Variants in TTC29 observed in about 807,000 individuals in gnomAD.
TTC29 encodes tetratricopeptide repeat protein 29.
In TTC29, 49 loss-of-function variants were observed where a neutral mutation model predicts 58.1. The observed-to-expected ratio is 0.84, with a 90% CI of 0.67 to 1.07. The LOEUF (loss-of-function observed/expected upper bound fraction) is 1.07, where lower values mean the gene tolerates loss of function less well. TTC29 is among the 50% of genes least tolerant of loss of function. The pLI, the probability that TTC29 is intolerant of heterozygous loss-of-function variation, is 0.00. For missense variants in TTC29, 582 were observed against 555.6 expected (o/e 1.05, Z -0.48); for synonymous variants, 209 against 196.8 (o/e 1.06, Z -0.52).
chr4:146,891,791 G>C (rs1168300526), intron 6 of TTC29, among the ~76,000 whole-genome samples: 1 of 152,178 alleles, frequency 6.6e-6, no homozygotes, highest in Admixed American at 6.6e-5. Context: ...TTCTGAAGCA[G>C]TTCTTCAGCA....
intron 11 of TTC29, among the ~76,000 whole-genome samples, chr4:146,778,889 A>T (rs1378021018): frequency 6.9e-6 from 1 of 144,220 alleles, no homozygotes; most frequent in Non-Finnish European, 1.5e-5. Context: ...CACTATTCAG[A>T]TGATGGGTAC....
chr4:146,860,211 C>T (rs1237863274), intron 8 of TTC29, among the ~76,000 whole-genome samples: 2 of 152,088 alleles, frequency 1.3e-5, no homozygotes, highest in African/African-American at 4.8e-5. Flanking sequence ...ACTGTAAGAA[C>T]TCTCTCCCCC....
At chr4:146,854,896 C>T (rs1729739714) in intron 8 of TTC29, among the ~76,000 whole-genome samples, 1 of 152,182 alleles carries the variant, frequency 6.6e-6, no homozygotes, top group East Asian at 1.9e-4. Context: ...TCTATATAAT[C>T]AACCCTTGAT....
At chr4:146,796,383 G>A (rs980847509) in intron 11 of TTC29, among the ~76,000 whole-genome samples, 3 of 152,122 alleles carry the variant, frequency 2.0e-5, no homozygotes, top group African/African-American at 7.2e-5. Context: ...AGATCATGTA[G>A]TCTAATCACC....
intron 11 of TTC29, among the ~76,000 whole-genome samples, chr4:146,758,685 G>A (rs1746636955): frequency 6.6e-6 from 1 of 152,028 alleles, no homozygotes; most frequent in East Asian, 1.9e-4. Context: ...ACTCCAAAAG[G>A]AGTCTTCAAA....
chr4:146,742,097 A>T (rs1295153917), intron 11 of TTC29, among the ~76,000 whole-genome samples: 1 of 152,206 alleles, frequency 6.6e-6, no homozygotes, highest in African/African-American at 2.4e-5. Flanking sequence ...TTGAACCTAG[A>T]TCATGTGACC....
chr4:146,811,910 A>G (rs1375156155), intron 10 of TTC29, among the ~76,000 whole-genome samples: 5 of 152,230 alleles, frequency 3.3e-5, no homozygotes. Context: ...GATTCATTTC[A>G]ACCAACTTTG....
In TTC29 at chr4:146,730,729, C is replaced by T. The variant is rs565080369; in HGVS notation, c.1331-23178G>A. ...GATGGGTCAAATAAGATGAAGAGGA[C>T]TGAGAAATGACTATTGTGTTTGGCG... On this transcript the variant is annotated intron_variant, in intron 11 of 12. Coordinates refer to ENST00000325106, the MANE Select transcript of TTC29 (RefSeq NM_031956.4). Among the ~76,000 whole-genome samples, 11 of 152,116 alleles carry T rather than the reference C, an allele frequency of 7.2e-5. No homozygotes were observed. In the East Asian group the frequency reaches 1.6e-3, roughly 21 times the overall value.
At chr4:146,921,731 G>A (rs904738419) in intron 4 of TTC29, among the ~76,000 whole-genome samples, 4 of 151,006 alleles carry the variant, frequency 2.6e-5, no homozygotes, top group Non-Finnish European at 5.9e-5. Context: ...TACAGATAAA[G>A]TAGAGGGAGA....
chr4:146,798,162 G>A (rs1749955933), intron 11 of TTC29, among the ~76,000 whole-genome samples: 6 of 151,914 alleles, frequency 3.9e-5, no homozygotes, highest in Admixed American at 3.3e-4. Flanking sequence ...ATATAGGAGT[G>A]GCATCAGATT....
At chr4:146,745,884 G>T (rs1279885099) in intron 11 of TTC29, among the ~76,000 whole-genome samples, 1 of 152,170 alleles carries the variant, frequency 6.6e-6, no homozygotes, top group Admixed American at 6.5e-5. Flanking sequence ...TTTAGTACTG[G>T]CCTCTAGTGC....
intron 10 of TTC29, among the ~76,000 whole-genome samples, chr4:146,804,410 C>T (rs1425535862): frequency 6.6e-6 from 1 of 152,108 alleles, no homozygotes; most frequent in African/African-American, 2.4e-5. Context: ...GGAAAGGAGG[C>T]TGAAGCCAGG....
chr4:146,768,779 A>C (rs1579630250), intron 11 of TTC29, among the ~76,000 whole-genome samples: 1 of 152,146 alleles, frequency 6.6e-6, no homozygotes, highest in East Asian at 1.9e-4. Context: ...CATTACCTCA[A>C]TCTGATTTTG....
intron 10 of TTC29, among the ~76,000 whole-genome samples, chr4:146,805,495 G>A (rs779085944): frequency 6.6e-6 from 1 of 151,906 alleles, no homozygotes; most frequent in Non-Finnish European, 1.5e-5. Flanking sequence ...CTTGACAAAA[G>A]GTTAGATGAA....
intron 8 of TTC29, among the ~76,000 whole-genome samples, chr4:146,851,823 T>C (rs1237569089): frequency 6.6e-6 from 1 of 152,120 alleles, no homozygotes; most frequent in Non-Finnish European, 1.5e-5. Flanking sequence ...CCATTATCTA[T>C]AATAATGGAG....
chr4:146,782,650 A>T (rs924533391), intron 11 of TTC29, among the ~76,000 whole-genome samples: 1 of 152,092 alleles, frequency 6.6e-6, no homozygotes, highest in South Asian at 2.1e-4. Flanking sequence ...TCACATATCA[A>T]TGTAATCTAT....
At chr4:146,809,737 TG>T (rs1750882159) in intron 10 of TTC29, among the ~76,000 whole-genome samples, 1 of 149,844 alleles carries the variant, frequency 6.7e-6, no homozygotes, top group South Asian at 2.1e-4. Flanking sequence ...CCAGTTAGAA[TG>T]GTGATCATTA....
intron 8 of TTC29, among the ~76,000 whole-genome samples, chr4:146,839,352 C>T (rs1728702503): frequency 6.6e-6 from 1 of 151,852 alleles, no homozygotes; most frequent in African/African-American, 2.4e-5. Flanking sequence ...TTGTAATGTT[C>T]CCAACACAAA....
intron 11 of TTC29, among the ~76,000 whole-genome samples, chr4:146,714,500 T>G (rs1742773056): frequency 6.6e-6 from 1 of 151,402 alleles, no homozygotes; most frequent in Non-Finnish European, 1.5e-5. Context: ...TTCAAGAAAT[T>G]GGGCAGAAAA....
Sources: allele counts gnomAD v4.1 joint callset (sites outside exome capture counted in the v4.1 genomes callset), GRCh38; gene constraint gnomAD v4.1.1; transcripts MANE v1.5; gene names NCBI Gene and HGNC (gene_info 2026-07-23, HGNC 2026-07-21).